Variants in FREM1 observed in about 807,000 individuals in gnomAD.
FREM1 encodes FRAS1 related extracellular matrix 1.
In FREM1, 220 loss-of-function variants were observed where a neutral mutation model predicts 210.1. The ratio of observed to expected loss-of-function variants is 1.05; its 90% CI spans 0.94 to 1.17. FREM1 has a LOEUF of 1.17. Ranked by LOEUF, FREM1 falls within the 50% of genes most tolerant of loss-of-function variation. The probability of loss-of-function intolerance (pLI) is 0.00; values close to 1 mark genes in which losing one functional copy is unlikely to be tolerated. For missense variants in FREM1, 3,454 were observed against 2,675.5 expected (o/e 1.29, Z -6.42); for synonymous variants, 1,189 against 980.2 (o/e 1.21, Z -3.98).
At chr9:14,808,511 C>T (rs1818783128) in intron 16 of FREM1, among the ~76,000 whole-genome samples, 1 of 152,140 alleles carries the variant, frequency 6.6e-6, no homozygotes, top group Non-Finnish European at 1.5e-5. Context: ...GAGAAGGCAA[C>T]CTTTTCCCTT....
chr9:14,878,243 C>T (rs371817522), intron 1 of FREM1, among the ~76,000 whole-genome samples: 14 of 152,168 alleles, frequency 9.2e-5, no homozygotes, highest in African/African-American at 3.1e-4. Context: ...CAGCTCATCT[C>T]CTGTTTGTCT....
At chr9:14,782,859 G>T (rs756722888) in intron 24 of FREM1, among the ~76,000 whole-genome samples, 23 of 152,194 alleles carry the variant, frequency 1.5e-4, no homozygotes, top group Non-Finnish European at 2.6e-4. Flanking sequence ...CCATTTCAAA[G>T]AAGAGGAAAC....
intron 26 of FREM1, 40 bp from the exon 27 acceptor site, chr9:14,769,908 A>G: frequency 9.7e-7 from 1 of 1,027,128 alleles, no homozygotes. Flanking sequence ...GTAATCAAAC[A>G]AAACATTAAA....
At chr9:14,832,783 G>A (rs941947889) in intron 10 of FREM1, among the ~76,000 whole-genome samples, 1 of 152,044 alleles carries the variant, frequency 6.6e-6, no homozygotes, top group African/African-American at 2.4e-5. Context: ...GGGGTAATAA[G>A]GATCACTGCT....
At chr9:14,849,520 C>T (rs762743293) in intron 6 of FREM1, among the ~76,000 whole-genome samples, 7 of 152,212 alleles carry the variant, frequency 4.6e-5, no homozygotes, top group Non-Finnish European at 1.0e-4. Flanking sequence ...GCAAGGCATA[C>T]TCCCTACTTT....
At chr9:14,853,856 G>T (rs1186224725) in intron 5 of FREM1, among the ~76,000 whole-genome samples, 3 of 152,210 alleles carry the variant, frequency 2.0e-5, no homozygotes, top group Non-Finnish European at 4.4e-5. Context: ...GGGGTAAATT[G>T]TGATTTAGAA....
intron 1 of FREM1, among the ~76,000 whole-genome samples, chr9:14,903,646 T>C (rs978037523): frequency 2.0e-5 from 3 of 152,190 alleles, no homozygotes; most frequent in Admixed American, 2.0e-4. Context: ...TATCACATCC[T>C]ACCTGGTAGT....
At chr9:14,798,939 G>A (rs1361605620) in intron 20 of FREM1, among the ~76,000 whole-genome samples, 1 of 151,530 alleles carries the variant, frequency 6.6e-6, no homozygotes. Context: ...CTCCCAAAGT[G>A]CTGGGATTAC....
chr9:14,861,118 T>C (rs550718740), intron 3 of FREM1, among the ~76,000 whole-genome samples: 9 of 99,886 alleles, frequency 9.0e-5, no homozygotes, highest in Non-Finnish European at 1.7e-4. Flanking sequence ...CACATATATA[T>C]ACATATATAC....
intron 25 of FREM1, among the ~76,000 whole-genome samples, chr9:14,772,403 A>G (rs1288571029): frequency 6.6e-6 from 1 of 152,210 alleles, no homozygotes; most frequent in African/African-American, 2.4e-5. Flanking sequence ...AAGAACTATC[A>G]GGAATAGTTA....
At chr9:14,802,816 G>C (rs576963810) in intron 19 of FREM1, among the ~76,000 whole-genome samples, 1 of 152,076 alleles carries the variant, frequency 6.6e-6, no homozygotes, top group Non-Finnish European at 1.5e-5. Flanking sequence ...GACTGCAAAG[G>C]TCCATCAATA....
intron 29 of FREM1, among the ~76,000 whole-genome samples, chr9:14,750,651 C>G (rs562852536): frequency 6.6e-6 from 1 of 152,252 alleles, no homozygotes; most frequent in Non-Finnish European, 1.5e-5. Flanking sequence ...AAATCTTAAG[C>G]TGTTGATGCA....
chr9:14,819,025 C>T (rs1564000488), intron 14 of FREM1, among the ~76,000 whole-genome samples: 2 of 152,046 alleles, frequency 1.3e-5, no homozygotes, highest in South Asian at 2.1e-4. Context: ...GTTATTTCCA[C>T]TGGTATAGCA....
intron 1 of FREM1, among the ~76,000 whole-genome samples, chr9:14,901,070 CAAAGAT>C (rs1257843342): frequency 1.3e-5 from 2 of 152,106 alleles, no homozygotes; most frequent in Admixed American, 1.3e-4. Flanking sequence ...TCTTTAAAGA[CAAAGAT>C]AAGTCTATAT....
At chr9:14,805,178 T>A (rs1007208043) in intron 18 of FREM1, 26 bp from the exon 19 acceptor site, 3 of 1,409,556 alleles carry the variant, frequency 2.1e-6, no homozygotes, top group Non-Finnish European at 2.8e-6. Flanking sequence ...ATGGAACAGA[T>A]AAATAAAAAA....
chr9:14,792,734 G>A lies in FREM1; in HGVS notation c.3981+9C>T. 2.5e-6 allele frequency: 4 copies of A among 1,577,154 alleles called. No homozygotes were observed. Among genetic ancestry groups the A allele is most frequent in the Non-Finnish European group, 3.4e-6 (4 of 1,164,760 alleles). On this transcript the variant is annotated intron_variant, in intron 22 of 36. Coordinates refer to ENST00000380880, the MANE Select transcript of FREM1 (RefSeq NM_001379081.2). Reference sequence around the variant, plus strand: ...TAGTTTTGAAAAATAAAAGTAAGAAGTCACTAACCTTAAGCTGAAGTTGCC... The same window carrying A: ...TAGTTTTGAAAAATAAAAGTAAGAAATCACTAACCTTAAGCTGAAGTTGCC...
intron 22 of FREM1, among the ~76,000 whole-genome samples, chr9:14,789,363 C>G (rs971645240): frequency 3.3e-5 from 5 of 152,138 alleles, no homozygotes; most frequent in Non-Finnish European, 5.9e-5. Context: ...AATTCAACAG[C>G]ATTGTTACTT....
At position 14,856,575 on chromosome 9, in the gene FREM1, C is replaced by G. The variant is rs566217183; in HGVS notation, c.828+978G>C. Reference sequence around the variant, plus strand: ...GGATCATCTTTCCTCAGCACAAAATCTCAGCTGTTTCACTTTGGGAGGGTG... The same window carrying G: ...GGATCATCTTTCCTCAGCACAAAATGTCAGCTGTTTCACTTTGGGAGGGTG... On this transcript the variant is annotated intron_variant, in intron 5 of 36. Transcript: ENST00000380880. Among the ~76,000 whole-genome samples the G allele has an allele frequency of 2.6e-5, 4 of 152,252 alleles. No homozygotes were observed. In the East Asian group the frequency reaches 7.7e-4, roughly 29 times the overall value.
At chr9:14,750,471 T>C (rs1371558853) in intron 29 of FREM1, among the ~76,000 whole-genome samples, 195 bp from the exon 30 acceptor site, 2 of 152,214 alleles carry the variant, frequency 1.3e-5, no homozygotes, top group South Asian at 2.1e-4. Context: ...TGGACGATGA[T>C]GTTTCCGTTT....
Sources: gnomAD v4.1 joint callset for allele counts (sites outside exome capture counted in the v4.1 genomes callset) on GRCh38, gnomAD v4.1.1 for gene constraint, MANE v1.5 for transcripts, NCBI Gene and HGNC (gene_info 2026-07-23, HGNC 2026-07-21) for gene names.